Variants in AMY2B observed in about 807,000 individuals in gnomAD.
The protein encoded by AMY2B is amylase alpha 2B, also known as alpha-amylase 2B.
AMY2B carries 63 observed loss-of-function variants against 59.3 expected under a neutral mutation model. That is an observed-to-expected ratio of 1.06 (90% CI 0.87 to 1.31). AMY2B has a LOEUF of 1.31. Ranked by LOEUF, AMY2B falls within the 50% of genes most tolerant of loss-of-function variation. The pLI, the probability that AMY2B is intolerant of heterozygous loss-of-function variation, is 0.00. For synonymous variants in AMY2B, 180 were observed against 198.1 expected, an observed-to-expected ratio of 0.91 and a Z score of 0.77; for missense variants, 635 against 626.7, an observed-to-expected ratio of 1.01 and a Z score of -0.14.
At chr1:103,578,197 GT>G (rs1163019657) in intron 9 of AMY2B, among the ~76,000 whole-genome samples, 1 of 151,996 alleles carries the variant, frequency 6.6e-6, no homozygotes, top group Non-Finnish European at 1.5e-5. Flanking sequence ...TTATATTCCT[GT>G]TTTTTTAATC....
At chr1:103,575,076 A>G in intron 5 of AMY2B, 147 bp from the exon 6 acceptor site, 1 of 847,580 alleles carries the variant, frequency 1.2e-6, no homozygotes, top group South Asian at 2.5e-5. Context: ...ATATATATAT[A>G]TATATATATC....
chr1:103,578,927 C>T (rs571517705), intron 9 of AMY2B, among the ~76,000 whole-genome samples: 2 of 152,154 alleles, frequency 1.3e-5, no homozygotes, highest in East Asian at 1.9e-4. Context: ...GGGTGCAGCG[C>T]ACCAGCATGG....
At chr1:103,576,140 G>A (rs545803092) in intron 7 of AMY2B, among the ~76,000 whole-genome samples, 1 of 152,142 alleles carries the variant, frequency 6.6e-6, no homozygotes, top group Non-Finnish European at 1.5e-5. Context: ...GTTTCAAAAA[G>A]GAACAGAGAA....
At chr1:103,559,677 A>C (rs1292747681) in intron 1 of AMY2B, among the ~76,000 whole-genome samples, 2 of 152,196 alleles carry the variant, frequency 1.3e-5, no homozygotes, top group Non-Finnish European at 2.9e-5. Flanking sequence ...AAAGGAAGCA[A>C]ATTTCAAGAG....
Position 103,573,775 on chromosome 1 carries a change from T to G in AMY2B, c.581T>G (p.Ile194Ser). The change falls in exon 4 of 10, where the codon ATT (isoleucine) becomes AGT (serine). Residue 194 changes from isoleucine (I) to serine (S), a missense_variant. Transcript: ENST00000684275. ...ALEKDYVRSK[I>S]AEYMNHLIDI... is the part of the protein sequence containing the mutation. ...GAGAAAGATTATGTGCGTTCCAAGA[T>G]TGCCGAATATATGAATCATCTCATT... The G allele has an allele frequency of 6.2e-7, 1 of 1,613,838 alleles. No homozygotes were observed. Among genetic ancestry groups the G allele is most frequent in the African/African-American group, 1.3e-5 (1 of 75,024 alleles).
At chr1:103,555,901 AAG>A (rs1442868959) in intron 1 of AMY2B, among the ~76,000 whole-genome samples, 1 of 152,124 alleles carries the variant, frequency 6.6e-6, no homozygotes, top group African/African-American at 2.4e-5. Flanking sequence ...TAATGCCGGA[AAG>A]AGAGGGATAT....
chr1:103,555,200 T>C (rs1651510325), intron 1 of AMY2B: 1 of 152,058 alleles, frequency 6.6e-6, no homozygotes, highest in African/African-American at 2.4e-5. Flanking sequence ...ATTTTAATGA[T>C]TTTCCTCAAA....
At chr1:103,558,453 GA>G (rs1326812682) in intron 1 of AMY2B, among the ~76,000 whole-genome samples, 1 of 152,044 alleles carries the variant, frequency 6.6e-6, no homozygotes, top group Non-Finnish European at 1.5e-5. Flanking sequence ...TAGGATCAGA[GA>G]ATATTAACAG....
At chr1:103,569,204 G>T (rs150339865), upstream of AMY2B, 1 of 151,976 alleles carries the variant, frequency 6.6e-6, no homozygotes, top group Non-Finnish European at 1.5e-5. Context: ...TTCAAGATGA[G>T]ATTTGGGTGG....
chr1:103,575,664 G>A, intron 7 of AMY2B, 124 bp downstream of exon 7: 1 of 1,419,034 alleles, frequency 7.0e-7, no homozygotes, highest in Non-Finnish European at 9.6e-7. Context: ...CTGATATAGG[G>A]CTGCGATTTT....
At chr1:103,566,590 C>T (rs941048979), upstream of AMY2B, among the ~76,000 whole-genome samples, 2 of 152,142 alleles carry the variant, frequency 1.3e-5, no homozygotes, top group Non-Finnish European at 2.9e-5. Flanking sequence ...ACATACATTT[C>T]AACTGGTTAG....
chr1:103,564,253 C>A (rs1651831779), intron 1 of AMY2B, among the ~76,000 whole-genome samples: 1 of 152,054 alleles, frequency 6.6e-6, no homozygotes, highest in East Asian at 1.9e-4. Flanking sequence ...ATGGAAAAGT[C>A]AGGATTTATA....
upstream of AMY2B, chr1:103,570,596 A>G (rs752890378): frequency 4.2e-5 from 25 of 591,284 alleles, no homozygotes; most frequent in Admixed American, 9.5e-5. Flanking sequence ...CCTCACTGTC[A>G]GCCTTCCAGC....
chr1:103,579,377 T>A lies in AMY2B; in HGVS notation c.1413T>A (p.Asp471Glu). Residue 471 changes from aspartate (D) to glutamate (E), a missense_variant, in exon 10 of 10, where the codon GAT (aspartate) becomes GAA (glutamate). Physicochemically the swap from Asp to Glu is conservative, Grantham distance 45. Transcript: ENST00000684275. ...AGTYCDVISG[D>E]KINGNCTGIK... The stretch of plus-strand genomic sequence containing the variant: ...CATACTGTGATGTCATTTCTGGAGA[T>A]AAAATTAATGGCAATTGCACAGGCA... 6.2e-7 allele frequency: 1 copy of A among 1,611,806 alleles called. No individual in the cohort carries two copies. Among genetic ancestry groups the A allele is most frequent in the South Asian group, 1.1e-5 (1 of 90,988 alleles).
At position 103,572,159 on chromosome 1, in the gene AMY2B, G is replaced by A; in HGVS notation, c.218G>A (p.Trp73Ter). 5 of 1,611,662 alleles carry A rather than the reference G, an allele frequency of 3.1e-6. No individual in the cohort carries two copies. Among genetic ancestry groups the A allele is most frequent in the Non-Finnish European group, 4.2e-6 (5 of 1,179,696 alleles). ...GCAATTCACAACCCTTTCAGACCTTGGTGGGAAAGATACCAACCAGTTAGC... is the reference window on the plus strand; with the variant it reads ...GCAATTCACAACCCTTTCAGACCTTAGTGGGAAAGATACCAACCAGTTAGC... ...NVAIHNPFRPWWERYQPVSYK... is the reference protein window; with the variant it reads ...NVAIHNPFRP Residue 73 changes from tryptophan (W) to a stop codon, truncating the protein, a stop_gained, in exon 2 of 10, where the codon TGG (tryptophan) becomes TAG (stop). Coordinates refer to ENST00000684275, the MANE Select transcript of AMY2B (RefSeq NM_001387437.1). LOFTEE classifies it high-confidence loss of function.
rs1652163611 is a variant in AMY2B at position 103,572,229 on chromosome 1, C to T, written c.288C>T (p.Asn96=). The T allele has an allele frequency of 6.2e-7, 1 of 1,611,394 alleles. No homozygotes were observed. Among genetic ancestry groups the T allele is most frequent in the South Asian group, 1.1e-5 (1 of 90,952 alleles). The change falls in exon 2 of 10, where the codon AAC becomes AAT. Residue 96 remains asparagine, a synonymous_variant. Coordinates refer to ENST00000684275, the MANE Select transcript of AMY2B (RefSeq NM_001387437.1). ...TRSGNEDEFR[N]MVTRCNNVGV... ...CTGGAAATGAAGATGAATTTAGAAA[C>T]ATGGTGACTAGATGTAACAATGTTG...
Position 103,577,525 on chromosome 1 carries a change from T to A in AMY2B, c.1137T>A (p.Asn379Lys), listed in dbSNP as rs752250140. 30 of 1,611,784 alleles carry A rather than the reference T, an allele frequency of 1.9e-5. No individual in the cohort carries two copies. Among genetic ancestry groups the A allele is most frequent in the Non-Finnish European group, 2.4e-5 (28 of 1,179,804 alleles). ...ATTGGGTTGGGCCACCAAATAATAA[T>A]GGAGTAATTAAAGAAGTTACTATTA... ...VNDWVGPPNN[N>K]GVIKEVTINP... Residue 379 changes from asparagine (N) to lysine (K), a missense_variant, in exon 8 of 10, where the codon AAT becomes AAA. Asn to Lys is a moderately conservative substitution (Grantham distance 94). Transcript: ENST00000684275.
chr1:103,561,509 A>C (rs1651733749), intron 1 of AMY2B, among the ~76,000 whole-genome samples: 1 of 152,130 alleles, frequency 6.6e-6, no homozygotes, highest in African/African-American at 2.4e-5. Flanking sequence ...TTTTTGATTT[A>C]GTGACACTGC....
chr1:103,566,651 T>C (rs772396630), upstream of AMY2B, among the ~76,000 whole-genome samples: 9 of 152,170 alleles, frequency 5.9e-5, no homozygotes, highest in Non-Finnish European at 1.0e-4. Flanking sequence ...ACTCTAGAAT[T>C]CTAGGAGAAA....
Sources: gnomAD v4.1 joint callset for allele counts (sites outside exome capture counted in the v4.1 genomes callset) on GRCh38, gnomAD v4.1.1 for gene constraint, MANE v1.5 for transcripts, NCBI Gene and HGNC (gene_info 2026-07-23, HGNC 2026-07-21) for gene names.